Variants in ZZEF1 observed in about 807,000 individuals in gnomAD.
ZZEF1 encodes zinc finger ZZ-type and EF-hand domain containing 1.
Under a neutral mutation model 342.8 loss-of-function variants are expected in ZZEF1, and 157 were observed. That is an observed-to-expected ratio of 0.46 (90% CI 0.40 to 0.52). ZZEF1 has a LOEUF of 0.52. Ranked by LOEUF, ZZEF1 falls within the 20% of genes least tolerant of loss-of-function variation. The pLI is 0.00. For synonymous variants in ZZEF1, 1,505 were observed against 1,429.1 expected, an observed-to-expected ratio of 1.05 and a Z score of -1.20; for missense variants, 3,480 against 3,725.6, an observed-to-expected ratio of 0.93 and a Z score of 1.72.
intron 10 of ZZEF1, 59 bp downstream of exon 10, chr17:4,096,550 C>G: frequency 7.2e-7 from 1 of 1,393,088 alleles, no homozygotes; most frequent in Non-Finnish European, 1.0e-6. Flanking sequence ...TACTATGTAC[C>G]CATAAAAATT....
rs1450641144 is a variant in ZZEF1 at position 4,104,804 on chromosome 17, A to G, written c.1402T>C (p.Ser468Pro). 4 of 1,611,772 alleles carry G rather than the reference A, an allele frequency of 2.5e-6. No homozygotes were observed. Among genetic ancestry groups the G allele is most frequent in the Non-Finnish European group, 2.5e-6 (3 of 1,179,380 alleles). Residue 468 changes from serine to proline, a missense_variant, in exon 8 of 55, where the codon TCT becomes CCT. Coordinates refer to ENST00000381638, the MANE Select transcript of ZZEF1 (RefSeq NM_015113.4). ...SFLIRITSCCSTPEVELTLLA... is the reference protein window; with the variant it reads ...SFLIRITSCCPTPEVELTLLA... ...AGAGTCAGTTCTACCTCTGGGGTAG[A>G]ACAGCAGCTATAAGCAAAGAGCAAA...
chr17:4,093,056 C>A (rs780956648), intron 11 of ZZEF1, among the ~76,000 whole-genome samples: 1 of 151,696 alleles, frequency 6.6e-6, no homozygotes, highest in African/African-American at 2.4e-5. Flanking sequence ...AACAAAATCA[C>A]GATTTAAGAG....
At position 4,017,082 on chromosome 17, in the gene ZZEF1, G is replaced by T. The variant is rs1231612572; in HGVS notation, c.8001+289C>A. ...GTGTGTGAAGGTGGGTGAGGGACAG[G>T]ATCAAAAAGGAGCTACCGAATGTGC... On this transcript the variant is annotated intron_variant, in intron 48 of 54. Transcript: ENST00000381638. The surrounding 1 kb of genome is among the most constrained non-coding windows in gnomAD (Gnocchi z 5.1). 1 of 388,826 alleles carries T rather than the reference G, an allele frequency of 2.6e-6. No homozygotes were observed. The highest frequency in any genetic ancestry group is 4.8e-6 in the Non-Finnish European group (1 of 209,734). The allele number at this position is 388,826 out of a possible 1,614,324, so 24.1% of individuals were successfully genotyped here.
Position 4,087,515 on chromosome 17 carries a change from C to T in ZZEF1, c.2261G>A (p.Gly754Asp), listed in dbSNP as rs2057854694. 6.2e-7 allele frequency: 1 copy of T among 1,608,762 alleles called. No individual in the cohort carries two copies. The highest frequency in any genetic ancestry group is 1.7e-5 in the Admixed American group (1 of 58,946). Residue 754 changes from glycine (G) to aspartate (D), a missense_variant, in exon 14 of 55, where the codon GGC (glycine) becomes GAC (aspartate). This residue lies in a region of ZZEF1 where 1,528 missense variants were observed against 1,624.1 expected (regional missense o/e 0.94). Transcript: ENST00000381638. Reference sequence around the variant, plus strand: ...GTCCAGAAAAGATTTATATTTTAAGCCACTTTCCTTCTGCTGCACCTAAAA... The same window carrying T: ...GTCCAGAAAAGATTTATATTTTAAGTCACTTTCCTTCTGCTGCACCTAAAA... ...AHDLVQQKES[G>D]LKYKSFLDFA...
Position 4,142,727 on chromosome 17 carries a change from G to A in ZZEF1, c.169C>T (p.Arg57Ter). The change falls in exon 1 of 55, where the codon CGA (arginine) becomes TGA (stop). Residue 57 changes from arginine to a stop codon, truncating the protein, a stop_gained. Transcript: ENST00000381638. LOFTEE classifies it high-confidence loss of function. ...AAALLEPARL[R>*]EAAAALLPTP... is the part of the protein sequence containing the mutation. ...GGCAGCAACGCTGCAGCAGCCTCTCGCAGCCTGGCCGGCTCCAGCAGCGCC... is the reference window on the plus strand; with the variant it reads ...GGCAGCAACGCTGCAGCAGCCTCTCACAGCCTGGCCGGCTCCAGCAGCGCC... 1 of 1,555,382 alleles carries A rather than the reference G, an allele frequency of 6.4e-7. No individual in the cohort carries two copies.
intron 30 of ZZEF1, among the ~76,000 whole-genome samples, chr17:4,061,417 G>C (rs543139027): frequency 6.6e-6 from 1 of 152,028 alleles, no homozygotes; most frequent in African/African-American, 2.4e-5. Flanking sequence ...GCCCCTTCTT[G>C]TCCATCTCTG....
chr17:4,017,355 C>T lies in ZZEF1; in HGVS notation c.8001+16G>A. 6.4e-7 allele frequency: 1 copy of T among 1,569,494 alleles called. No individual in the cohort carries two copies. Among genetic ancestry groups the T allele is most frequent in the Non-Finnish European group, 8.7e-7 (1 of 1,155,478 alleles). ...AGAACCTGGTGGGTGAGCACAAGCT[C>T]AGTCTGCATAACTACCTTCTCCCAC... On this transcript the variant is annotated intron_variant, in intron 48 of 54. Transcript: ENST00000381638. The surrounding 1 kb of genome is among the most constrained non-coding windows in gnomAD (Gnocchi z 5.1).
chr17:4,046,489 G>A (rs1192840182), intron 37 of ZZEF1, among the ~76,000 whole-genome samples: 1 of 152,216 alleles, frequency 6.6e-6, no homozygotes, highest in African/African-American at 2.4e-5. Context: ...GGGGCCAAAG[G>A]TGGAGTGTGA....
intron 2 of ZZEF1, among the ~76,000 whole-genome samples, chr17:4,118,849 C>G (rs887871579): frequency 6.6e-6 from 1 of 152,212 alleles, no homozygotes. Flanking sequence ...TTCCCACCCC[C>G]TGGCACACAA....
At position 4,017,415 on chromosome 17, in the gene ZZEF1, A is replaced by T; in HGVS notation, c.7957T>A (p.Leu2653Met). ...TCTTCCAGCTGCATGAACATATCCA[A>T]AATGTAGGTCATATGGGCAGGGCCA... ...LSGPAHMTYI[L>M]DMFMQLEEKH... Residue 2653 changes from leucine (L) to methionine (M), a missense_variant, in exon 48 of 55, where the codon TTG (leucine) becomes ATG (methionine). Around this residue, in one of 5 missense-constraint regions of ZZEF1, gnomAD observed 1,269 missense variants for 1,342.4 expected, o/e 0.95. Coordinates refer to ENST00000381638, the MANE Select transcript of ZZEF1 (RefSeq NM_015113.4). This position sits in a 1 kb window ranked among gnomAD's most constrained non-coding sequence, Gnocchi z 5.1. 3 of 1,608,516 alleles carry T rather than the reference A, an allele frequency of 1.9e-6. No homozygotes were observed. Among genetic ancestry groups the T allele is most frequent in the Non-Finnish European group, 2.6e-6 (3 of 1,175,422 alleles).
chr17:4,029,667 G>C (rs1055127815), intron 42 of ZZEF1, among the ~76,000 whole-genome samples: 1 of 152,002 alleles, frequency 6.6e-6, no homozygotes, highest in Non-Finnish European at 1.5e-5. Context: ...CTGAGGTCAG[G>C]AGTTCGAGAC....
chr17:4,018,059 G>T, intron 46 of ZZEF1, 88 bp from the exon 47 acceptor site: 1 of 1,538,766 alleles, frequency 6.5e-7, no homozygotes. Flanking sequence ...ATGTTCTTCA[G>T]AGTTGTTCTT....
chr17:4,031,198 C>G (rs1294050480), intron 42 of ZZEF1, among the ~76,000 whole-genome samples: 1 of 152,066 alleles, frequency 6.6e-6, no homozygotes, highest in African/African-American at 2.4e-5. Flanking sequence ...TGCCTGTAAT[C>G]CCAACTACTT....
intron 37 of ZZEF1, among the ~76,000 whole-genome samples, chr17:4,047,690 C>G (rs1006034767): frequency 8.1e-5 from 12 of 147,812 alleles, no homozygotes; most frequent in African/African-American, 2.2e-4. Context: ...CGCCTGTAAT[C>G]CCAGCACTTT....
rs374100875 is a variant in ZZEF1 at position 4,125,594 on chromosome 17, T to G, written c.355-1543A>C. 1.3e-3 allele frequency among the ~76,000 whole-genome samples: 204 copies of G among 152,320 alleles called. 5 individuals carry two copies. The South Asian group carries it at 0.04, about 30-fold the overall frequency. On this transcript the variant is annotated intron_variant, in intron 1 of 54. Transcript: ENST00000381638. ...CCAAAAAGTTAATAGGATCAAAGAC[T>G]TCACTAATCAAGGTATAACATTCAA...
At chr17:4,099,077 G>A (rs2145423646) in intron 9 of ZZEF1, among the ~76,000 whole-genome samples, 1 of 152,010 alleles carries the variant, frequency 6.6e-6, no homozygotes, top group East Asian at 1.9e-4. Context: ...AACAGAATCG[G>A]ATAGACTCTT....
intron 38 of ZZEF1, among the ~76,000 whole-genome samples, chr17:4,043,444 G>A (rs1020819000): frequency 6.6e-6 from 1 of 152,182 alleles, no homozygotes; most frequent in African/African-American, 2.4e-5. Context: ...AGGGCAGAAG[G>A]CCAGGTGCTC....
intron 37 of ZZEF1, among the ~76,000 whole-genome samples, chr17:4,045,037 C>T (rs1411846482): frequency 6.6e-6 from 1 of 152,056 alleles, no homozygotes; most frequent in South Asian, 2.1e-4. Context: ...GCCTGTAATC[C>T]CAGCTACTCA....
rs753772577 is a variant in ZZEF1 at position 4,064,343 on chromosome 17, A to T, written c.4718+18T>A. On this transcript the variant is annotated intron_variant, in intron 29 of 54. Coordinates refer to ENST00000381638, the MANE Select transcript of ZZEF1 (RefSeq NM_015113.4). ...GGCTTAAAAAGAGAAAGCGACAGGA[A>T]GGTAACAACGGGCTTACCTCCTGTG... is the stretch of plus-strand genomic sequence containing the variant. 1 of 1,547,212 alleles carries T rather than the reference A, an allele frequency of 6.5e-7. No individual in the cohort carries two copies. The highest frequency in any genetic ancestry group is 1.4e-5 in the African/African-American group (1 of 73,164).
Sources: gnomAD v4.1 joint callset for allele counts (sites outside exome capture counted in the v4.1 genomes callset) on GRCh38, gnomAD v4.1.1 for gene constraint, gnomAD v4.1.1 regional missense constraint, Gnocchi (gnomAD v3.1) non-coding constraint, MANE v1.5 for transcripts, NCBI Gene and HGNC (gene_info 2026-07-23, HGNC 2026-07-21) for gene names.